Variants in SUGCT observed in about 807,000 individuals in gnomAD.
SUGCT encodes succinyl-CoA:glutarate CoA-transferase.
In SUGCT, 41 loss-of-function variants were observed where a neutral mutation model predicts 55.0. The observed-to-expected ratio is 0.74, with a 90% CI of 0.58 to 0.97. The LOEUF (loss-of-function observed/expected upper bound fraction) is 0.97. SUGCT is among the 50% of genes least tolerant of loss of function. SUGCT has a pLI of 0.00. For synonymous variants in SUGCT, 187 were observed against 200.4 expected (o/e 0.93, Z 0.56); for missense variants, 568 against 547.8 (o/e 1.04, Z -0.37).
At chr7:40,578,750 A>G (rs545061220) in intron 12 of SUGCT, among the ~76,000 whole-genome samples, 78 of 152,304 alleles carry the variant, frequency 5.1e-4, no homozygotes, top group African/African-American at 1.9e-3. Context: ...TCTCATAGCT[A>G]GCTCCAGTCA....
At chr7:40,480,957 T>C (rs1464315890) in intron 11 of SUGCT, among the ~76,000 whole-genome samples, 1 of 152,116 alleles carries the variant, frequency 6.6e-6, no homozygotes, top group Non-Finnish European at 1.5e-5. Context: ...AATGAGCATA[T>C]ACTTCATGTA....
chr7:40,430,091 C>T (rs1010923148), intron 9 of SUGCT, among the ~76,000 whole-genome samples: 4 of 152,068 alleles, frequency 2.6e-5, no homozygotes, highest in African/African-American at 9.7e-5. Flanking sequence ...AGATTATTTC[C>T]ATATTTGGCT....
intron 12 of SUGCT, among the ~76,000 whole-genome samples, chr7:40,607,932 T>C (rs1271694762): frequency 6.6e-6 from 1 of 152,234 alleles, no homozygotes; most frequent in African/African-American, 2.4e-5. Flanking sequence ...CATAGCCCTG[T>C]CTATGGAGAA....
chr7:40,357,392 C>A (rs1797928201), intron 9 of SUGCT, among the ~76,000 whole-genome samples: 1 of 152,122 alleles, frequency 6.6e-6, no homozygotes, highest in South Asian at 2.1e-4. Flanking sequence ...CTTCTCTTTT[C>A]TTCTTTTGAC....
At chr7:40,358,901 C>T (rs1798009661) in intron 9 of SUGCT, among the ~76,000 whole-genome samples, 1 of 152,116 alleles carries the variant, frequency 6.6e-6, no homozygotes, top group African/African-American at 2.4e-5. Flanking sequence ...ATACAACATC[C>T]CCCAAGTTAT....
chr7:40,295,169 C>T, intron 8 of SUGCT, among the ~76,000 whole-genome samples: 1 of 151,926 alleles, frequency 6.6e-6, no homozygotes, highest in East Asian at 1.9e-4. Flanking sequence ...AAAAAAATGC[C>T]AAAATGATAC....
chr7:40,540,206 G>T (rs1486098496), intron 12 of SUGCT, among the ~76,000 whole-genome samples: 1 of 152,054 alleles, frequency 6.6e-6, no homozygotes. Context: ...TTTATTTATT[G>T]CTGTAATCTT....
chr7:40,386,056 T>G (rs1396589965), intron 9 of SUGCT, among the ~76,000 whole-genome samples: 9 of 152,136 alleles, frequency 5.9e-5, no homozygotes, highest in Admixed American at 5.9e-4. Context: ...AAGAAATATG[T>G]GGTGTTGTCT....
chr7:40,954,013 C>A, the SUGCT span, among the ~76,000 whole-genome samples: 2 of 152,246 alleles, frequency 1.3e-5, no homozygotes, highest in Non-Finnish European at 2.9e-5. Context: ...GCAGAGGTTT[C>A]TGCTGCCTTT....
At chr7:40,386,947 C>T (rs1785160213) in intron 9 of SUGCT, among the ~76,000 whole-genome samples, 1 of 152,120 alleles carries the variant, frequency 6.6e-6, no homozygotes, top group Admixed American at 6.6e-5. Flanking sequence ...CTGTCCCCAC[C>T]ATCATCCCTT....
At chr7:40,490,233 C>G (rs1022973030) in intron 11 of SUGCT, among the ~76,000 whole-genome samples, 1 of 152,154 alleles carries the variant, frequency 6.6e-6, no homozygotes, top group East Asian at 1.9e-4. Context: ...ATGTTTTTGG[C>G]TAGTTTCTCT....
the SUGCT span, among the ~76,000 whole-genome samples, chr7:40,885,976 C>T: frequency 6.6e-6 from 1 of 152,298 alleles, no homozygotes; most frequent in African/African-American, 2.4e-5. Context: ...TTTCCCCCGA[C>T]TTTTAAGAGA....
intron 12 of SUGCT, among the ~76,000 whole-genome samples, chr7:40,693,079 A>G (rs1318597373): frequency 6.6e-6 from 1 of 152,180 alleles, no homozygotes; most frequent in African/African-American, 2.4e-5. Context: ...TTCTTAAACT[A>G]AGAATGTGCC....
At chr7:40,770,236 G>A (rs1450076312) in intron 13 of SUGCT, among the ~76,000 whole-genome samples, 3 of 152,118 alleles carry the variant, frequency 2.0e-5, no homozygotes, top group African/African-American at 7.2e-5. Context: ...CTATTCTGCT[G>A]CATCAGGATT....
chr7:40,705,959 A>G (rs1469992275), intron 12 of SUGCT, among the ~76,000 whole-genome samples: 2 of 152,172 alleles, frequency 1.3e-5, no homozygotes, highest in Non-Finnish European at 2.9e-5. Flanking sequence ...CTTAGTGTCC[A>G]TCATCTATAA....
chr7:40,504,596 G>A (rs1023225331), intron 12 of SUGCT, among the ~76,000 whole-genome samples: 1 of 151,874 alleles, frequency 6.6e-6, no homozygotes, highest in Non-Finnish European at 1.5e-5. Context: ...CACCACACCC[G>A]CTAATTTTTG....
the SUGCT span, among the ~76,000 whole-genome samples, chr7:40,889,222 AT>A: frequency 3.9e-5 from 6 of 152,136 alleles, no homozygotes; most frequent in Non-Finnish European, 8.8e-5. Flanking sequence ...GCTGGCTGTC[AT>A]GGCTCTCAAG....
rs2150734265 is a variant in SUGCT, at chr7:40,189,606, T to A, written c.363+12T>A. ...AAATCATCAAAGAGGTACAGTATGA[T>A]GTATAGAAAGCATCCTACCACCTAG... On this transcript the variant is annotated intron_variant, in intron 5 of 13. Coordinates refer to ENST00000335693, the MANE Select transcript of SUGCT (RefSeq NM_001193313.2). 1 of 1,397,152 alleles carries A rather than the reference T, an allele frequency of 7.2e-7. No individual in the cohort carries two copies. Among genetic ancestry groups the A allele is most frequent in the African/African-American group, 1.4e-5 (1 of 69,240 alleles). 86.5% of individuals were successfully genotyped at this position (1,397,152 alleles called of 1,614,324 possible). A position where few individuals can be genotyped will look rare whatever the true frequency, so the allele number is the denominator to read the frequency against.
At chr7:40,516,647 C>T (rs1793251010) in intron 12 of SUGCT, among the ~76,000 whole-genome samples, 1 of 152,080 alleles carries the variant, frequency 6.6e-6, no homozygotes, top group Non-Finnish European at 1.5e-5. Flanking sequence ...AAAACCAATT[C>T]ACTATAAATG....
Sources: allele counts gnomAD v4.1 joint callset (sites outside exome capture counted in the v4.1 genomes callset), GRCh38; gene constraint gnomAD v4.1.1; transcripts MANE v1.5; gene names NCBI Gene and HGNC (gene_info 2026-07-23, HGNC 2026-07-21).